Variants in PLBD2 observed in about 807,000 individuals in gnomAD.
The protein encoded by PLBD2 is phospholipase B domain containing 2.
Under a neutral mutation model 68.3 loss-of-function variants are expected in PLBD2, and 51 were observed. The observed-to-expected ratio is 0.75, with a 90% confidence interval of 0.60 to 0.94. The LOEUF is 0.94. Ranked by LOEUF, PLBD2 falls within the 40% of genes least tolerant of loss-of-function variation. The pLI is 0.00. For synonymous variants in PLBD2, 314 were observed against 339.3 expected, an observed-to-expected ratio of 0.93 and a Z score of 0.82; for missense variants, 729 against 792.2, an observed-to-expected ratio of 0.92 and a Z score of 0.96.
chr12:113,387,122 G>A (rs778649568), intron 10 of PLBD2, 33 bp downstream of exon 10: 1 of 1,533,248 alleles, frequency 6.5e-7, no homozygotes, highest in African/African-American at 1.4e-5. Context: ...GTTGGGGAGA[G>A]GGAGGCCGCA....
intron 10 of PLBD2, 52 bp from the exon 11 acceptor site, chr12:113,387,692 C>T: frequency 6.3e-7 from 1 of 1,586,836 alleles, no homozygotes; most frequent in Non-Finnish European, 8.6e-7. Context: ...TGGCCCCCGT[C>T]TTAGCCTCTC....
chr12:113,390,954 G>A lies in PLBD2; in HGVS notation c.*2328G>A, dbSNP rs541875168. ...CACCCATCCATCCACACACGGGTCT[G>A]TGCAGATTCATTAATATCCACCCAT... On this transcript the variant is annotated 3_prime_UTR_variant, in exon 12 of 12. Coordinates refer to ENST00000280800, the MANE Select transcript of PLBD2 (RefSeq NM_173542.4). 4 of 152,054 alleles carry A rather than the reference G, an allele frequency of 2.6e-5. No individual in the cohort carries two copies. In the South Asian group the frequency reaches 8.3e-4, roughly 32 times the overall value. 9.4% of individuals were successfully genotyped at this position (152,054 alleles called of 1,614,324 possible).
rs1350408789 is a variant in PLBD2 at position 113,374,796 on chromosome 12, G to A, written c.648G>A (p.Leu216=). The change falls in exon 5 of 12, where the codon CTG becomes CTA. Residue 216 remains leucine (L), a synonymous_variant. Transcript: ENST00000280800. ...KFTIKPLGFL[L]LQLSGDLEDL... ...CTGATGCCCTGGCCCTCCTCAGCCT[G>A]CTGCAGCTCTCTGGGGACCTGGAAG... 6.2e-7 allele frequency: 1 copy of A among 1,613,498 alleles called. No homozygotes were observed. Among genetic ancestry groups the A allele is most frequent in the Non-Finnish European group, 8.5e-7 (1 of 1,180,026 alleles).
At chr12:113,386,674 G>A (rs1356160701) in intron 9 of PLBD2, among the ~76,000 whole-genome samples, 5 of 151,968 alleles carry the variant, frequency 3.3e-5, no homozygotes, top group Non-Finnish European at 5.9e-5. Context: ...ACACACCACC[G>A]TGCCTGGCTA....
chr12:113,375,129 C>A, intron 5 of PLBD2, 122 bp downstream of exon 5: 1 of 892,954 alleles, frequency 1.1e-6, no homozygotes, highest in Non-Finnish European at 1.7e-6. Flanking sequence ...CAGGGATATT[C>A]CAAGAGTTCA....
chr12:113,382,446 G>A (rs375963499), intron 6 of PLBD2, among the ~76,000 whole-genome samples: 1 of 151,494 alleles, frequency 6.6e-6, no homozygotes, highest in Non-Finnish European at 1.5e-5. Flanking sequence ...CAAATTTCAG[G>A]ATTTTTTTTT....
Position 113,385,267 on chromosome 12 carries a change from G to A in PLBD2, c.1270G>A (p.Ala424Thr), listed in dbSNP as rs893427834. Residue 424 changes from alanine (A) to threonine (T), a missense_variant, in exon 9 of 12, where the codon GCC becomes ACC. Coordinates refer to ENST00000280800, the MANE Select transcript of PLBD2 (RefSeq NM_173542.4). The part of the protein sequence containing the change: ...TSELYQKTYW[A>T]SYNIPSFETV... Reference sequence around the variant, plus strand: ...GGAGCTCTACCAGAAGACCTACTGGGCCAGCTACAACATACCGTGCGTGCC... The same window carrying A: ...GGAGCTCTACCAGAAGACCTACTGGACCAGCTACAACATACCGTGCGTGCC... The A allele has an allele frequency of 6.2e-7, 1 of 1,614,142 alleles. No individual in the cohort carries two copies. The highest frequency in any genetic ancestry group is 8.5e-7 in the Non-Finnish European group (1 of 1,180,008).
chr12:113,384,860 C>A lies in PLBD2; in HGVS notation c.1128C>A (p.Asn376Lys). 1.2e-6 allele frequency: 2 copies of A among 1,613,998 alleles called. No individual in the cohort carries two copies. The highest frequency in any genetic ancestry group is 2.2e-5 in the East Asian group (1 of 44,874). The change falls in exon 8 of 12, where the codon AAC (asparagine) becomes AAA (lysine). Residue 376 changes from asparagine to lysine, a missense_variant. Asn to Lys is a moderately conservative substitution (Grantham distance 94). Coordinates refer to ENST00000280800, the MANE Select transcript of PLBD2 (RefSeq NM_173542.4). This position sits in a 1 kb window ranked among gnomAD's most constrained non-coding sequence, Gnocchi z 4.2. ...TTCCCCTGCCCGGCAGGTATAACAA[C>A]CAGTGGATGATCGTGGACTACAAGG... ...FKRFNSGTYN[N>K]QWMIVDYKAF... is the part of the protein sequence containing the mutation.
At chr12:113,386,345 C>T (rs1468773790) in intron 9 of PLBD2, among the ~76,000 whole-genome samples, 2 of 145,416 alleles carry the variant, frequency 1.4e-5, no homozygotes, top group Admixed American at 6.9e-5. Flanking sequence ...CGTGCCACCA[C>T]GCCGGCTAAT....
chr12:113,366,804 TC>T (rs1006113544), intron 1 of PLBD2, among the ~76,000 whole-genome samples: 1 of 106,712 alleles, frequency 9.4e-6, no homozygotes, highest in Admixed American at 1.1e-4. Flanking sequence ...CTCCTCTCCC[TC>T]CCTCCCCCTT....
chr12:113,387,160 T>G, intron 10 of PLBD2, 71 bp downstream of exon 10: 1 of 1,481,952 alleles, frequency 6.7e-7, no homozygotes, highest in South Asian at 1.4e-5. Flanking sequence ...GTGCGCTTTT[T>G]GTACCAACTC....
intron 3 of PLBD2, among the ~76,000 whole-genome samples, chr12:113,373,021 C>T (rs975332098): frequency 6.6e-6 from 1 of 152,232 alleles, no homozygotes; most frequent in Non-Finnish European, 1.5e-5. Flanking sequence ...TCCTAGCCTA[C>T]CTACAGTTAA....
intron 5 of PLBD2, among the ~76,000 whole-genome samples, chr12:113,375,623 C>G (rs889060254): frequency 2.6e-5 from 4 of 152,208 alleles, no homozygotes; most frequent in Non-Finnish European, 5.9e-5. Context: ...CCAGGCTGAT[C>G]TTGGCTAGGC....
At chr12:113,377,922 A>G (rs1957449392) in intron 5 of PLBD2, among the ~76,000 whole-genome samples, 1 of 152,238 alleles carries the variant, frequency 6.6e-6, no homozygotes, top group Admixed American at 6.5e-5. Flanking sequence ...ACACTCTCAC[A>G]ATGAAAATCA....
chr12:113,386,019 G>A (rs1186997885), intron 9 of PLBD2, among the ~76,000 whole-genome samples: 1 of 152,224 alleles, frequency 6.6e-6, no homozygotes, highest in African/African-American at 2.4e-5. Context: ...CCAAAGTGCT[G>A]GGATTATAGG....
At chr12:113,380,138 TA>T (rs1957472830) in intron 5 of PLBD2, among the ~76,000 whole-genome samples, 1 of 152,168 alleles carries the variant, frequency 6.6e-6, no homozygotes, top group African/African-American at 2.4e-5. Flanking sequence ...TTTATTTATT[TA>T]TTTATTTATT....
rs908003660 is a variant in PLBD2, at chr12:113,359,020, C to A, written c.290+130C>A. ...CGTTTCTCTGGGGGTCAGCTACTCC[C>A]GAGGCTGCAGCACCGCCCTGCGGGC... is the stretch of plus-strand genomic sequence containing the variant. On this transcript the variant is annotated intron_variant, in intron 1 of 11. Coordinates refer to ENST00000280800, the MANE Select transcript of PLBD2 (RefSeq NM_173542.4). The A allele has an allele frequency of 6.6e-5, 70 of 1,056,610 alleles. 2 individuals carry two copies. In the Admixed American group the frequency reaches 8.6e-4, roughly 13 times the overall value. The allele number at this position is 1,056,610 out of a possible 1,614,324, so 65.5% of individuals were successfully genotyped here.
Position 113,372,175 on chromosome 12 carries a change from G to A in PLBD2, c.385-474G>A, listed in dbSNP as rs576908329. ...CGTGGTCTTTTGTCCCCCAGCAGGC[G>A]AGCCTGGACTCATGCAGGTGGCATC... On this transcript the variant is annotated intron_variant, in intron 2 of 11. Transcript: ENST00000280800. This position sits in a 1 kb window ranked among gnomAD's most constrained non-coding sequence, Gnocchi z 4.2. Among the ~76,000 whole-genome samples, 2 of 152,116 alleles carry A rather than the reference G, an allele frequency of 1.3e-5. No homozygotes were observed. Among genetic ancestry groups the A allele is most frequent in the African/African-American group, 2.4e-5 (1 of 41,512 alleles).
intron 2 of PLBD2, among the ~76,000 whole-genome samples, chr12:113,369,629 A>G (rs1357981611): frequency 6.6e-6 from 1 of 152,234 alleles, no homozygotes; most frequent in African/African-American, 2.4e-5. Flanking sequence ...GACGCACACC[A>G]GAACATGAAA....
Sources: allele counts gnomAD v4.1 joint callset (sites outside exome capture counted in the v4.1 genomes callset), GRCh38; gene constraint gnomAD v4.1.1; non-coding constraint Gnocchi (gnomAD v3.1); transcripts MANE v1.5; gene names NCBI Gene and HGNC (gene_info 2026-07-23, HGNC 2026-07-21).